The following RGL1 variants were observed in gnomAD, a reference collection of about 807,000 sequenced individuals.
RGL1 encodes the protein ral guanine nucleotide dissociation stimulator like 1, also known as ral guanine nucleotide dissociation stimulator-like 1.
Under a neutral mutation model 95.2 loss-of-function variants are expected in RGL1, and 24 were observed. The ratio of observed to expected loss-of-function variants is 0.25; its 90% confidence interval spans 0.18 to 0.35. The LOEUF (loss-of-function observed/expected upper bound fraction) is 0.35, where lower values mean the gene tolerates loss of function less well. Ranked by LOEUF, RGL1 falls within the 10% of genes least tolerant of loss-of-function variation. The probability of loss-of-function intolerance (pLI) is 1.00; values close to 1 mark genes in which losing one functional copy is unlikely to be tolerated. For missense variants in RGL1, 715 were observed against 936.3 expected (o/e 0.76, Z 3.08); for synonymous variants, 329 against 344.9 (o/e 0.95, Z 0.51).
intron 9 of RGL1, among the ~76,000 whole-genome samples, chr1:183,896,221 C>G (rs548210659): frequency 8.5e-5 from 13 of 152,246 alleles, no homozygotes; most frequent in African/African-American, 2.9e-4. Context: ...TATTAGGCTG[C>G]TTTCTTTTTT....
intron 2 of RGL1, among the ~76,000 whole-genome samples, chr1:183,844,081 C>T (rs1664255680): frequency 6.6e-6 from 1 of 152,198 alleles, no homozygotes; most frequent in African/African-American, 2.4e-5. Flanking sequence ...CCCCCTTGGC[C>T]TCCCGAAGTG....
intron 1 of RGL1, among the ~76,000 whole-genome samples, chr1:183,697,936 C>G (rs575796943): frequency 6.6e-6 from 1 of 152,226 alleles, no homozygotes; most frequent in South Asian, 2.1e-4. Flanking sequence ...CTGTGTTGAC[C>G]TAATTGCAGG....
At chr1:183,713,048 CAG>C (rs773762260) in intron 1 of RGL1, among the ~76,000 whole-genome samples, 1 of 151,952 alleles carries the variant, frequency 6.6e-6, no homozygotes, top group African/African-American at 2.4e-5. Context: ...TGTTTTGAGA[CAG>C]AGTCTCCCTC....
intron 1 of RGL1, among the ~76,000 whole-genome samples, chr1:183,683,390 T>C (rs1378320913): frequency 6.6e-6 from 1 of 152,240 alleles, no homozygotes; most frequent in Non-Finnish European, 1.5e-5. Flanking sequence ...CATTTGATTG[T>C]CTGTAAAGGA....
intron 2 of RGL1, among the ~76,000 whole-genome samples, chr1:183,746,788 T>C (rs1036642548): frequency 1.2e-4 from 19 of 152,086 alleles, no homozygotes; most frequent in Admixed American, 2.6e-4. Flanking sequence ...TAATGTTATC[T>C]CTCCCCTTGC....
chr1:183,819,338 G>A (rs575686913), intron 2 of RGL1, among the ~76,000 whole-genome samples: 1 of 152,238 alleles, frequency 6.6e-6, no homozygotes, highest in African/African-American at 2.4e-5. Context: ...ACTTTGTGTG[G>A]TGCACCTTTC....
intron 3 of RGL1, among the ~76,000 whole-genome samples, chr1:183,863,997 C>T (rs115847383): frequency 3.9e-5 from 6 of 152,296 alleles, no homozygotes; most frequent in African/African-American, 1.4e-4. Flanking sequence ...TCTCATTACA[C>T]ATTTGGCATC....
chr1:183,758,040 A>G (rs184913842), intron 2 of RGL1, among the ~76,000 whole-genome samples: 8 of 152,320 alleles, frequency 5.3e-5, no homozygotes, highest in African/African-American at 1.7e-4. Flanking sequence ...AACAAATACC[A>G]GTGTGCCCAT....
chr1:183,636,289 C>G (rs1308686271), exon 1 of RGL1: 1 of 397,306 alleles, frequency 2.5e-6, no homozygotes, highest in African/African-American at 2.1e-5. Flanking sequence ...GTGATGCACA[C>G]CCGGGCGCCC....
chr1:183,809,955 T>C (rs1407825244), intron 2 of RGL1, among the ~76,000 whole-genome samples: 4 of 152,132 alleles, frequency 2.6e-5, no homozygotes, highest in South Asian at 2.1e-4. Flanking sequence ...AGACTCTGTC[T>C]CTTAAAAAAA....
chr1:183,730,237 T>C (rs1342993926), intron 1 of RGL1, among the ~76,000 whole-genome samples: 1 of 152,164 alleles, frequency 6.6e-6, no homozygotes, highest in African/African-American at 2.4e-5. Context: ...CTGTTCCATA[T>C]TGGGCACTGT....
intron 1 of RGL1, among the ~76,000 whole-genome samples, chr1:183,674,846 C>T (rs564386755): frequency 6.6e-6 from 1 of 152,256 alleles, no homozygotes; most frequent in Non-Finnish European, 1.5e-5. Context: ...TGTGTTAATG[C>T]CCCCCTTTCA....
intron 1 of RGL1, among the ~76,000 whole-genome samples, chr1:183,718,164 T>G (rs1655748572): frequency 6.6e-6 from 1 of 151,306 alleles, no homozygotes; most frequent in Non-Finnish European, 1.5e-5. Flanking sequence ...GAGAATCGCT[T>G]GAACCTGGAA....
chr1:183,923,616 CGGGCCTTG>C (rs1002531271), intron 17 of RGL1, among the ~76,000 whole-genome samples: 62 of 152,252 alleles, frequency 4.1e-4, no homozygotes, highest in African/African-American at 1.4e-3. Flanking sequence ...GCTGGACCCC[CGGGCCTTG>C]GTCCTTAATT....
chr1:183,640,879 C>T (rs561720629), intron 1 of RGL1, among the ~76,000 whole-genome samples: 1 of 152,184 alleles, frequency 6.6e-6, no homozygotes, highest in African/African-American at 2.4e-5. Context: ...GGTATTTCAC[C>T]AGTTGACATT....
At chr1:183,782,166 G>C (rs769524661) in intron 2 of RGL1, among the ~76,000 whole-genome samples, 1 of 152,152 alleles carries the variant, frequency 6.6e-6, no homozygotes, top group Non-Finnish European at 1.5e-5. Flanking sequence ...ATGGCACTCT[G>C]TCCCCAGATA....
intron 2 of RGL1, among the ~76,000 whole-genome samples, chr1:183,777,992 T>C (rs1659687212): frequency 6.6e-6 from 1 of 152,244 alleles, no homozygotes. Context: ...CTTTACAGTT[T>C]GTTTCATGTG....
At chr1:183,902,458 A>C (rs1668083708) in intron 11 of RGL1, 110 bp from the exon 12 acceptor site, 1 of 775,982 alleles carries the variant, frequency 1.3e-6, no homozygotes, top group Non-Finnish European at 2.0e-6. Context: ...GATCATTGAT[A>C]ATTGTGACTT....
At position 183,722,050 on chromosome 1, in the gene RGL1, T is replaced by C. The variant is rs897460362; in HGVS notation, c.-32-20076T>C. ...GAAAATTTGGAGTGAGGAAAGAAAG[T>C]CAAGACAGAACACTAGGGAATACCA... On this transcript the variant is annotated intron_variant, in intron 1 of 18. Transcript: ENST00000304685. 2.6e-5 allele frequency among the ~76,000 whole-genome samples: 4 copies of C among 151,646 alleles called. No individual in the cohort carries two copies. The South Asian group carries it at 6.3e-4, about 24-fold the overall frequency.
Sources: allele counts gnomAD v4.1 joint callset (sites outside exome capture counted in the v4.1 genomes callset), GRCh38; gene constraint gnomAD v4.1.1; transcripts MANE v1.5; gene names NCBI Gene and HGNC (gene_info 2026-07-23, HGNC 2026-07-21).